Variants in PMPCA observed in about 807,000 individuals in gnomAD.
PMPCA encodes the protein peptidase, mitochondrial processing subunit alpha.
In PMPCA, 47 loss-of-function variants were observed where a neutral mutation model predicts 59.3. That is an observed-to-expected ratio of 0.79 (90% CI 0.63 to 1.01). The LOEUF (loss-of-function observed/expected upper bound fraction) is 1.01. Among genes scored for constraint, PMPCA ranks in the 50% least tolerant of loss-of-function variants. The pLI, the probability that PMPCA is intolerant of heterozygous loss-of-function variation, is 0.00. For missense variants in PMPCA, 726 were observed against 704.5 expected (o/e 1.03, Z -0.34); for synonymous variants, 338 against 290.3 (o/e 1.16, Z -1.67).
intron 6 of PMPCA, chr9:136,416,668 GTC>G: frequency 1.7e-6 from 1 of 593,410 alleles, no homozygotes; most frequent in East Asian, 2.8e-5. Flanking sequence ...TGATTTCTGA[GTC>G]TGCTGTTTAT....
chr9:136,413,456 G>C (rs139371803), intron 4 of PMPCA, among the ~76,000 whole-genome samples: 1 of 152,108 alleles, frequency 6.6e-6, no homozygotes, highest in Non-Finnish European at 1.5e-5. Flanking sequence ...AAAGCACTGG[G>C]CAATGTGAGA....
At position 136,412,565 on chromosome 9, in the gene PMPCA, T is replaced by G; in HGVS notation, c.350T>G (p.Phe117Cys). The change falls in exon 3 of 13, where the codon TTT becomes TGT. Residue 117 changes from phenylalanine (F) to cysteine (C), a missense_variant. Coordinates refer to ENST00000371717, the MANE Select transcript of PMPCA (RefSeq NM_015160.3). ...GIAHFLEKLA[F>C]SSTARFDSKD... ...GCTCACTTTTTGGAAAAATTGGCAT[T>G]TTCGGTCAGTACCCAGTTTTGTAAT... The G allele has an allele frequency of 6.5e-7, 1 of 1,548,562 alleles. No individual in the cohort carries two copies. Among genetic ancestry groups the G allele is most frequent in the Non-Finnish European group, 8.9e-7 (1 of 1,122,490 alleles).
chr9:136,411,929 C>T (rs1835131974), intron 1 of PMPCA, 68 bp from the exon 2 acceptor site: 1 of 872,780 alleles, frequency 1.1e-6, no homozygotes, highest in East Asian at 2.6e-5. Flanking sequence ...TAACTAACCG[C>T]ACCTAACAGG....
At chr9:136,422,663 G>C in intron 12 of PMPCA, 1 of 1,013,068 alleles carries the variant, frequency 9.9e-7, no homozygotes, top group Non-Finnish European at 1.2e-6. Flanking sequence ...CTCGTTTTCT[G>C]TAGAAAACAG....
chr9:136,412,689 C>A, intron 3 of PMPCA, 120 bp downstream of exon 3: 1 of 804,044 alleles, frequency 1.2e-6, no homozygotes, highest in South Asian at 1.6e-5. Context: ...TAATAAAAGA[C>A]TTTTAAGTTA....
chr9:136,412,790 T>G lies in PMPCA; in HGVS notation c.355-20T>G. 6.8e-7 allele frequency: 1 copy of G among 1,480,726 alleles called. No individual in the cohort carries two copies. The highest frequency in any genetic ancestry group is 9.4e-7 in the Non-Finnish European group (1 of 1,059,352). The allele number at this position is 1,480,726 out of a possible 1,614,324, so 91.7% of individuals were successfully genotyped here. The stretch of plus-strand genomic sequence containing the variant: ...ATAGCCTGGATTGCTTATTTAGGTT[T>G]CCTTATTTATTTTTACTAGTCTACT... On this transcript the variant is annotated intron_variant, in intron 3 of 12. Transcript: ENST00000371717.
At chr9:136,418,794 C>T in intron 9 of PMPCA, 34 bp from the exon 10 acceptor site, 6 of 1,552,072 alleles carry the variant, frequency 3.9e-6, no homozygotes, top group Non-Finnish European at 5.3e-6. Context: ...CCTGGCGAGT[C>T]CCCTTCACTC....
At chr9:136,411,360 A>C (rs1393188418) in intron 1 of PMPCA, 1 of 154,258 alleles carries the variant, frequency 6.5e-6, no homozygotes, top group Non-Finnish European at 1.4e-5. Context: ...CTTTGGAGTA[A>C]ACAAGCAGCC....
At chr9:136,417,563 C>G (rs1835317090) in intron 7 of PMPCA, among the ~76,000 whole-genome samples, 1 of 151,762 alleles carries the variant, frequency 6.6e-6, no homozygotes, top group Non-Finnish European at 1.5e-5. Context: ...ACCTCCACCT[C>G]CCAGGTTCAA....
At position 136,412,589 on chromosome 9, in the gene PMPCA, A is replaced by C; in HGVS notation, c.354+20A>C. 3 of 1,305,052 alleles carry C rather than the reference A, an allele frequency of 2.3e-6. No homozygotes were observed. Among genetic ancestry groups the C allele is most frequent in the Non-Finnish European group, 3.3e-6 (3 of 906,010 alleles). 80.8% of individuals were successfully genotyped at this position (1,305,052 alleles called of 1,614,324 possible). A position where few individuals can be genotyped will look rare whatever the true frequency, so the allele number is the denominator to read the frequency against. ...TTTTCGGTCAGTACCCAGTTTTGTA[A>C]TTTTTTAGACTATACTTTTGAAGGA... On this transcript the variant is annotated intron_variant, in intron 3 of 12. Coordinates refer to ENST00000371717, the MANE Select transcript of PMPCA (RefSeq NM_015160.3).
chr9:136,412,768 G>C (rs374310385), intron 3 of PMPCA, 42 bp from the exon 4 acceptor site: 12 of 1,204,108 alleles, frequency 1.0e-5, no homozygotes, highest in Non-Finnish European at 1.5e-5. Flanking sequence ...TTCAGGGATA[G>C]CCTGGATTGC....
At position 136,418,651 on chromosome 9, in the gene PMPCA, C is replaced by T; in HGVS notation, c.1087C>T (p.Leu363Phe). 2 of 1,611,396 alleles carry T rather than the reference C, an allele frequency of 1.2e-6. No homozygotes were observed. Among genetic ancestry groups the T allele is most frequent in the Non-Finnish European group, 1.7e-6 (2 of 1,177,466 alleles). Residue 363 changes from leucine to phenylalanine, a missense_variant, in exon 9 of 13, where the codon CTC becomes TTC. Leu to Phe is a conservative substitution (Grantham distance 22). Transcript: ENST00000371717. ...GCCCGGCAAGGGCATGTTCTCCAGG[C>T]TCTACCTCAACGTGCTCAACAGGTG... ...GGPGKGMFSR[L>F]YLNVLNRHHW...
intron 12 of PMPCA, chr9:136,422,871 T>C (rs779613870): frequency 1.3e-4 from 182 of 1,369,926 alleles, no homozygotes; most frequent in Non-Finnish European, 1.7e-4. Context: ...TCCTATATTT[T>C]TAAGTCATTG....
chr9:136,418,800 C>T (rs1479128793), intron 9 of PMPCA, 28 bp from the exon 10 acceptor site: 19 of 1,574,032 alleles, frequency 1.2e-5, no homozygotes, highest in Non-Finnish European at 1.7e-5. Context: ...GAGTCCCCTT[C>T]ACTCCCATGA....
Position 136,419,037 on chromosome 9 carries a change from T to C in PMPCA, c.1201-7T>C, listed in dbSNP as rs1432068860. On this transcript the variant is annotated splice_polypyrimidine_tract_variant and splice_region_variant and intron_variant, in intron 10 of 12. Transcript: ENST00000371717. ...CCACACTGTTATCGTCTTGCCCTTC[T>C]TCGCAGGTTCGAGAAATGGTAGAAA... 1.2e-6 allele frequency: 2 copies of C among 1,613,854 alleles called. No individual in the cohort carries two copies. The highest frequency in any genetic ancestry group is 1.7e-5 in the Admixed American group (1 of 60,030).
chr9:136,412,659 T>C (rs2131583589), intron 3 of PMPCA, 90 bp downstream of exon 3: 2 of 799,076 alleles, frequency 2.5e-6, no homozygotes, highest in Non-Finnish European at 4.2e-6. Context: ...TAATAAATTA[T>C]CAAGTTGCTA....
At chr9:136,412,768 G>T (rs374310385) in intron 3 of PMPCA, 42 bp from the exon 4 acceptor site, 30 of 1,204,106 alleles carry the variant, frequency 2.5e-5, no homozygotes, top group Non-Finnish European at 3.7e-5. Context: ...TTCAGGGATA[G>T]CCTGGATTGC....
Position 136,417,207 on chromosome 9 carries a change from T to G in PMPCA, c.890T>G (p.Ile297Ser). The G allele has an allele frequency of 6.4e-7, 1 of 1,573,686 alleles. No homozygotes were observed. Among genetic ancestry groups the G allele is most frequent in the South Asian group, 1.1e-5 (1 of 87,614 alleles). ...TCTGTGGCCCAGTACACTGGGGGGA[T>G]TGCCAAGGTGAAGTAGCGGGAACGT... Reference protein sequence around the residue: ...DRSVAQYTGGIAKLERDMSNV... With the variant: ...DRSVAQYTGGSAKLERDMSNV... The change falls in exon 7 of 13, where the codon ATT (isoleucine) becomes AGT (serine). Residue 297 changes from isoleucine to serine, a missense_variant. Coordinates refer to ENST00000371717, the MANE Select transcript of PMPCA (RefSeq NM_015160.3).
In PMPCA at chr9:136,417,199, TGG is replaced by T; in HGVS notation, c.887_888del (p.Gly296AspfsTer80). ...TTGACAGATCTGTGGCCCAGTACAC[TGG>T]GGGGATTGCCAAGGTGAAGTAGCGG... is the stretch of plus-strand genomic sequence containing the variant. ...DIDRSVAQYT[G>X]GIAKLERDMS... is the part of the protein sequence containing the mutation. On this transcript the variant is annotated frameshift_variant, in exon 7 of 13. Transcript: ENST00000371717. LOFTEE classifies it high-confidence loss of function. 1 of 1,578,870 alleles carries T rather than the reference TGG, an allele frequency of 6.3e-7. No individual in the cohort carries two copies. Among genetic ancestry groups the T allele is most frequent in the Non-Finnish European group, 8.6e-7 (1 of 1,156,570 alleles).
Sources: gnomAD v4.1 joint callset for allele counts (sites outside exome capture counted in the v4.1 genomes callset) on GRCh38, gnomAD v4.1.1 for gene constraint, MANE v1.5 for transcripts, NCBI Gene and HGNC (gene_info 2026-07-23, HGNC 2026-07-21) for gene names.